Variants in C1orf105 observed in about 807,000 individuals in gnomAD.
C1orf105 encodes uncharacterized protein C1orf105.
C1orf105 carries 17 observed loss-of-function variants against 20.8 expected under a neutral mutation model. The ratio of observed to expected loss-of-function variants is 0.82; its 90% CI spans 0.56 to 1.23. The LOEUF (loss-of-function observed/expected upper bound fraction) is 1.23, where lower values mean the gene tolerates loss of function less well. C1orf105 is among the 50% of genes most tolerant of loss of function. C1orf105 has a pLI of 0.00. For synonymous variants in C1orf105, 72 were observed against 72.1 expected (o/e 1.00, Z 0.01); for missense variants, 219 against 213.5 (o/e 1.03, Z -0.16).
chr1:172,456,566 G>A (rs1649274428), intron 4 of C1orf105, 77 bp downstream of exon 4: 1 of 1,426,060 alleles, frequency 7.0e-7, no homozygotes, highest in South Asian at 1.2e-5. Flanking sequence ...AGCCCTGTGG[G>A]GAGAGATAGT....
At chr1:172,466,364 G>T (rs1177918071) in intron 6 of C1orf105, among the ~76,000 whole-genome samples, 1 of 152,120 alleles carries the variant, frequency 6.6e-6, no homozygotes, top group Non-Finnish European at 1.5e-5. Context: ...GGAACCAAGA[G>T]CCTGGAGCTA....
intron 1 of C1orf105, among the ~76,000 whole-genome samples, chr1:172,436,811 A>G (rs1180110186): frequency 6.6e-6 from 1 of 152,258 alleles, no homozygotes; most frequent in East Asian, 1.9e-4. Flanking sequence ...GGCAACCTAC[A>G]GAATGGGAGA....
Position 172,420,906 on chromosome 1 carries a change from G to T in C1orf105, c.21G>T (p.Lys7Asn), listed in dbSNP as rs377154547. MEKREL[K>N]ASVPKFDKIP... ...GAAAGATGGAAAAAAGAGAACTAAA[G>T]GTAGGAAAAAAATAAATGAAACTTC... The change falls in exon 1 of 7, where the codon AAG becomes AAT. Residue 7 changes from lysine to asparagine, a missense_variant and splice_region_variant. Coordinates refer to ENST00000367727, the MANE Select transcript of C1orf105 (RefSeq NM_139240.4). The T allele has an allele frequency of 2.5e-6, 4 of 1,608,694 alleles. No homozygotes were observed. The Admixed American group carries it at 5.0e-5, about 20-fold the overall frequency.
intron 1 of C1orf105, among the ~76,000 whole-genome samples, chr1:172,429,866 C>T (rs971242390): frequency 2.8e-4 from 43 of 152,114 alleles, no homozygotes; most frequent in Admixed American, 2.8e-3. Flanking sequence ...CTTCTTAATC[C>T]CTCCCATACC....
At chr1:172,439,201 C>T (rs1452267199) in intron 1 of C1orf105, among the ~76,000 whole-genome samples, 1 of 152,080 alleles carries the variant, frequency 6.6e-6, no homozygotes, top group Non-Finnish European at 1.5e-5. Context: ...TGTGTGTGTA[C>T]ATGTCTATAT....
At chr1:172,451,704 G>GT (rs1214340380) in intron 3 of C1orf105, among the ~76,000 whole-genome samples, 12 of 151,572 alleles carry the variant, frequency 7.9e-5, no homozygotes, top group South Asian at 2.1e-4. Context: ...TACATTTTGG[G>GT]TTTTTTTAAG....
chr1:172,422,460 C>T (rs1276031634), intron 1 of C1orf105, among the ~76,000 whole-genome samples: 1 of 152,022 alleles, frequency 6.6e-6, no homozygotes, highest in Non-Finnish European at 1.5e-5. Context: ...GCCTTTGGAC[C>T]CTGAAAAATC....
chr1:172,444,828 A>G (rs1218054284), intron 1 of C1orf105, among the ~76,000 whole-genome samples: 1 of 152,256 alleles, frequency 6.6e-6, no homozygotes, highest in East Asian at 1.9e-4. Flanking sequence ...GTCAGAAAAC[A>G]TGACCCATTT....
chr1:172,430,999 G>C, intron 1 of C1orf105: 1 of 553,226 alleles, frequency 1.8e-6, no homozygotes, highest in Non-Finnish European at 3.2e-6. Flanking sequence ...ATATGTGTGT[G>C]TGTTCTGACT....
intron 3 of C1orf105, chr1:172,453,277 T>A: frequency 7.2e-7 from 1 of 1,396,902 alleles, no homozygotes; most frequent in East Asian, 2.5e-5. Context: ...CTCTGTCTTT[T>A]TGAACACAAA....
At chr1:172,442,258 C>T in intron 1 of C1orf105, 4 of 1,613,922 alleles carry the variant, frequency 2.5e-6, no homozygotes, top group Non-Finnish European at 2.5e-6. Flanking sequence ...GACTAGGGCA[C>T]TCTTCAGGTC....
Position 172,420,964 on chromosome 1 carries a change from T to C in C1orf105, c.21+58T>C. On this transcript the variant is annotated intron_variant, in intron 1 of 6. Transcript: ENST00000367727. Reference sequence around the variant, plus strand: ...TTCCTTATGGGGTTACCCTGGTAAATGTTTGTATGCCTTGGAGGCCACATA... The same window carrying C: ...TTCCTTATGGGGTTACCCTGGTAAACGTTTGTATGCCTTGGAGGCCACATA... 4.7e-6 allele frequency: 7 copies of C among 1,495,544 alleles called. No homozygotes were observed. The South Asian group carries it at 5.8e-5, about 12-fold the overall frequency. The allele number at this position is 1,495,544 out of a possible 1,614,324, so 92.6% of individuals were successfully genotyped here.
At chr1:172,449,034 A>G (rs1372522602) in intron 3 of C1orf105, among the ~76,000 whole-genome samples, 1 of 152,200 alleles carries the variant, frequency 6.6e-6, no homozygotes, top group Non-Finnish European at 1.5e-5. Flanking sequence ...CCTGAGGTGG[A>G]GAAAGAGAGA....
intron 4 of C1orf105, among the ~76,000 whole-genome samples, chr1:172,459,396 T>G (rs926746402): frequency 6.6e-6 from 1 of 152,040 alleles, no homozygotes; most frequent in African/African-American, 2.4e-5. Flanking sequence ...TCAATAGACA[T>G]TCTCTAAAGA....
At chr1:172,452,975 A>G in intron 3 of C1orf105, 1 of 1,547,420 alleles carries the variant, frequency 6.5e-7, no homozygotes, top group Non-Finnish European at 8.7e-7. Flanking sequence ...ACAGAAGAAA[A>G]AGACCAAAGA....
chr1:172,436,919 T>C (rs2072056856), intron 1 of C1orf105, among the ~76,000 whole-genome samples: 1 of 152,030 alleles, frequency 6.6e-6, no homozygotes, highest in Non-Finnish European at 1.5e-5. Context: ...CATCAAAAAG[T>C]GGGCAAAGGA....
At chr1:172,465,839 A>G (rs113209243) in intron 6 of C1orf105, among the ~76,000 whole-genome samples, 6 of 152,306 alleles carry the variant, frequency 3.9e-5, no homozygotes, top group African/African-American at 1.4e-4. Flanking sequence ...CTTGCTGTTG[A>G]TAGAAACAAG....
chr1:172,444,057 G>T, intron 1 of C1orf105: 1 of 999,314 alleles, frequency 1.0e-6, no homozygotes, highest in Non-Finnish European at 1.2e-6. Flanking sequence ...CGGGGCGCCG[G>T]GGCTGCGACT....
intron 3 of C1orf105, among the ~76,000 whole-genome samples, chr1:172,452,319 A>G (rs1573876984): frequency 1.3e-5 from 2 of 152,334 alleles, no homozygotes; most frequent in Admixed American, 1.3e-4. Flanking sequence ...GGGTAAATTG[A>G]AAGATTTGAA....
Sources: gnomAD v4.1 joint callset for allele counts (sites outside exome capture counted in the v4.1 genomes callset) on GRCh38, gnomAD v4.1.1 for gene constraint, MANE v1.5 for transcripts, NCBI Gene and HGNC (gene_info 2026-07-23, HGNC 2026-07-21) for gene names.